LMBR1: variants seen among roughly 807,000 people sequenced by gnomAD.
LMBR1 encodes limb development membrane protein 1.
Under a neutral mutation model 73.9 loss-of-function variants are expected in LMBR1, and 52 were observed. The observed-to-expected ratio is 0.70, with a 90% CI of 0.56 to 0.89. The LOEUF is 0.89. LMBR1 is among the 40% of genes least tolerant of loss of function. LMBR1 has a pLI of 0.00. For missense variants in LMBR1, 539 were observed against 579.8 expected (o/e 0.93, Z 0.72); for synonymous variants, 215 against 209.4 (o/e 1.03, Z -0.23).
In LMBR1 at chr7:156,725,841, G is replaced by A. The variant is rs773378902; in HGVS notation, c.994-4C>T. 6 of 1,611,092 alleles carry A rather than the reference G, an allele frequency of 3.7e-6. No individual in the cohort carries two copies. The South Asian group carries it at 6.6e-5, about 18-fold the overall frequency. On this transcript the variant is annotated splice_polypyrimidine_tract_variant and splice_region_variant and intron_variant, in intron 12 of 16. Coordinates refer to ENST00000353442, the MANE Select transcript of LMBR1 (RefSeq NM_022458.4). ...AGGCATTTCCTATTCCAGGCCCCTG[G>A]GGTGGGAGAAAGACACTTTTCAGAA... is the stretch of plus-strand genomic sequence containing the variant.
At position 156,762,164 on chromosome 7, in the gene LMBR1, T is replaced by C; in HGVS notation, c.654A>G (p.Thr218=). ...GCTTCACTAGCAACTGACCCATCAC[T>C]GTGAACATACGAGAAAGGCCAACTG... is the stretch of plus-strand genomic sequence containing the variant. ...CTPVGLSRMF[T]VMGQLLVKPT... is the part of the protein sequence containing the mutation. The change falls in exon 8 of 17, where the codon ACA becomes ACG. Residue 218 remains threonine (T), a synonymous_variant. Transcript: ENST00000353442. 3 of 1,611,598 alleles carry C rather than the reference T, an allele frequency of 1.9e-6. No individual in the cohort carries two copies. Among genetic ancestry groups the C allele is most frequent in the Non-Finnish European group, 1.7e-6 (2 of 1,177,836 alleles).
In LMBR1 at chr7:156,681,482, T is replaced by C. The variant is rs550168152; in HGVS notation, c.*2596A>G. ...TAAATCTAAGAAGTATCTTGGAAAA[T>C]CAGTAAAAATTAATACAAATGTTAT... On this transcript the variant is annotated 3_prime_UTR_variant, in exon 17 of 17. Coordinates refer to ENST00000353442, the MANE Select transcript of LMBR1 (RefSeq NM_022458.4). 2.3e-4 allele frequency: 35 copies of C among 155,366 alleles called. No individual in the cohort carries two copies. The South Asian group carries it at 3.5e-3, about 16-fold the overall frequency. 9.6% of individuals were successfully genotyped at this position (155,366 alleles called of 1,614,324 possible).
intron 15 of LMBR1, among the ~76,000 whole-genome samples, chr7:156,707,702 T>C (rs1284511923): frequency 2.0e-5 from 3 of 152,116 alleles, no homozygotes; most frequent in African/African-American, 7.2e-5. Flanking sequence ...AGATTAAGCA[T>C]GCAAAGAGCA....
chr7:156,741,548 A>G (rs1023968523), intron 9 of LMBR1, among the ~76,000 whole-genome samples: 1 of 152,216 alleles, frequency 6.6e-6, no homozygotes, highest in African/African-American at 2.4e-5. Flanking sequence ...AAATGTAAGA[A>G]GAGACACAGA....
At chr7:156,741,924 A>T (rs2132602074) in intron 9 of LMBR1, among the ~76,000 whole-genome samples, 1 of 152,286 alleles carries the variant, frequency 6.6e-6, no homozygotes, top group Middle Eastern at 3.4e-3. Flanking sequence ...AAAACATTCA[A>T]AAAATTGAAA....
Position 156,699,829 on chromosome 7 carries a change from A to T in LMBR1, c.1226-11638T>A, listed in dbSNP as rs1185035267. Among the ~76,000 whole-genome samples, 8 of 152,344 alleles carry T rather than the reference A, an allele frequency of 5.3e-5. No homozygotes were observed. The South Asian group carries it at 1.0e-3, about 20-fold the overall frequency. ...CTCATCATCACTGGCCATCAGAGAA[A>T]TGCAAATCAAAACCACAATGAGACA... On this transcript the variant is annotated intron_variant, in intron 15 of 16. Transcript: ENST00000353442.
At chr7:156,703,173 G>A (rs778092813) in intron 15 of LMBR1, among the ~76,000 whole-genome samples, 2 of 152,218 alleles carry the variant, frequency 1.3e-5, no homozygotes, top group Non-Finnish European at 2.9e-5. Flanking sequence ...TCAGACCCAG[G>A]CAGCTACAGT....
intron 1 of LMBR1, chr7:156,892,452 G>C (rs1421333297): frequency 6.6e-6 from 1 of 152,396 alleles, no homozygotes; most frequent in East Asian, 1.9e-4. Context: ...CGGGACGCCT[G>C]CGCATCCACC....
intron 15 of LMBR1, among the ~76,000 whole-genome samples, chr7:156,703,965 A>G (rs1810352220): frequency 6.6e-6 from 1 of 152,192 alleles, no homozygotes; most frequent in Non-Finnish European, 1.5e-5. Context: ...TGCAAAGCCC[A>G]CTGCAACAAC....
intron 4 of LMBR1, among the ~76,000 whole-genome samples, chr7:156,801,851 T>C (rs1332508766): frequency 1.3e-5 from 2 of 152,106 alleles, no homozygotes; most frequent in African/African-American, 4.8e-5. Context: ...CTTAATATTT[T>C]ATGAGGGAAG....
At chr7:156,826,505 C>T (rs1462325961) in intron 4 of LMBR1, 100 bp downstream of exon 4, 3 of 823,706 alleles carry the variant, frequency 3.6e-6, no homozygotes, top group Non-Finnish European at 5.1e-6. Flanking sequence ...TGGAGGAAGT[C>T]ACAAATTATG....
intron 15 of LMBR1, among the ~76,000 whole-genome samples, chr7:156,695,759 T>A (rs1425354845): frequency 6.6e-6 from 1 of 151,938 alleles, no homozygotes; most frequent in Non-Finnish European, 1.5e-5. Context: ...CACAAAACAA[T>A]TTTTTAAAAA....
chr7:156,713,867 CATTT>C (rs1316134685), intron 15 of LMBR1, among the ~76,000 whole-genome samples: 3 of 152,112 alleles, frequency 2.0e-5, no homozygotes, highest in Non-Finnish European at 1.5e-5. Flanking sequence ...GTACCAATTA[CATTT>C]ATTTAGAAAC....
intron 1 of LMBR1, among the ~76,000 whole-genome samples, chr7:156,839,031 C>G (rs1311569213): frequency 7.1e-6 from 1 of 141,630 alleles, no homozygotes; most frequent in Non-Finnish European, 1.5e-5. Context: ...TGAGAAATAT[C>G]TATTCTAGTC....
intron 9 of LMBR1, among the ~76,000 whole-genome samples, chr7:156,736,020 T>C (rs1817795844): frequency 6.6e-6 from 1 of 152,200 alleles, no homozygotes; most frequent in African/African-American, 2.4e-5. Flanking sequence ...GCAGAACAGA[T>C]GGACAGTTTC....
In LMBR1 at chr7:156,680,431, GTTAT is replaced by G. The variant is rs1356405813; in HGVS notation, c.*3643_*3646del. 1.5e-5 allele frequency: 2 copies of G among 135,850 alleles called. No homozygotes were observed. Among genetic ancestry groups the G allele is most frequent in the Non-Finnish European group, 1.6e-5 (1 of 63,462 alleles). 8.4% of individuals were successfully genotyped at this position (135,850 alleles called of 1,614,324 possible). On this transcript the variant is annotated 3_prime_UTR_variant, in exon 17 of 17. Transcript: ENST00000353442. Reference sequence around the variant, plus strand: ...GTGTGTGTGTGTGTGTGTGTAATGGGTTATTTCTTACTGTGGTCAAAAAGTTGAA... The same window carrying G: ...GTGTGTGTGTGTGTGTGTGTAATGGGTTCTTACTGTGGTCAAAAAGTTGAA...
intron 15 of LMBR1, among the ~76,000 whole-genome samples, chr7:156,691,117 T>TA (rs1342550714): frequency 6.6e-6 from 1 of 152,174 alleles, no homozygotes. Flanking sequence ...ATACTACTAT[T>TA]AAAAGCAAGC....
At position 156,751,338 on chromosome 7, in the gene LMBR1, C is replaced by G. The variant is rs538295374; in HGVS notation, c.757+5055G>C. ...CACGAAAGGGTATTTAGGTAAAGAC[C>G]TGGAAGAGAGAAGGTGGAGGAAAAC... On this transcript the variant is annotated intron_variant, in intron 9 of 16. Transcript: ENST00000353442. Among the ~76,000 whole-genome samples the G allele has an allele frequency of 3.9e-5, 6 of 152,134 alleles. No individual in the cohort carries two copies. In the East Asian group the frequency reaches 1.2e-3, roughly 29 times the overall value.
intron 15 of LMBR1, among the ~76,000 whole-genome samples, chr7:156,711,627 A>G (rs888697071): frequency 2.0e-5 from 3 of 152,218 alleles, no homozygotes; most frequent in Non-Finnish European, 4.4e-5. Context: ...AGTAACCATA[A>G]GAGTATGGTA....
Sources: gnomAD v4.1 joint callset for allele counts (sites outside exome capture counted in the v4.1 genomes callset) on GRCh38, gnomAD v4.1.1 for gene constraint, MANE v1.5 for transcripts, NCBI Gene and HGNC (gene_info 2026-07-23, HGNC 2026-07-21) for gene names.